Variants in ACYP2 observed in about 807,000 individuals in gnomAD.
ACYP2 encodes acylphosphatase 2.
Under a neutral mutation model 11.2 loss-of-function variants are expected in ACYP2, and 12 were observed. That is an observed-to-expected ratio of 1.08 (90% CI 0.69 to 1.74). The LOEUF is 1.74. ACYP2 is among the 40% of genes most tolerant of loss of function. The pLI, the probability that ACYP2 is intolerant of heterozygous loss-of-function variation, is 0.00. For synonymous variants in ACYP2, 43 were observed against 32.2 expected (o/e 1.33, Z -1.13); for missense variants, 134 against 101.9 (o/e 1.31, Z -1.35).
At chr2:54,216,272 A>T (rs1397343694) in intron 6 of ACYP2, among the ~76,000 whole-genome samples, 1 of 152,142 alleles carries the variant, frequency 6.6e-6, no homozygotes, top group Admixed American at 6.5e-5. Context: ...TCGAGGGTTT[A>T]TAATATGCTT....
chr2:53,971,585 GAT>G (rs1671121445), intron 1 of ACYP2, among the ~76,000 whole-genome samples: 1 of 152,178 alleles, frequency 6.6e-6, no homozygotes, highest in Non-Finnish European at 1.5e-5. Context: ...AGGCTATTGA[GAT>G]AGAAAGTTTA....
chr2:54,224,855 T>G (rs1381929954), intron 6 of ACYP2, among the ~76,000 whole-genome samples: 1 of 152,188 alleles, frequency 6.6e-6, no homozygotes, highest in African/African-American at 2.4e-5. Flanking sequence ...GAAAGAAATA[T>G]ACATGAAAGT....
chr2:53,977,526 A>G (rs1573428367), intron 2 of ACYP2, among the ~76,000 whole-genome samples: 1 of 151,406 alleles, frequency 6.6e-6, no homozygotes, highest in Non-Finnish European at 1.5e-5. Flanking sequence ...CGAGGTCAAG[A>G]GTTTGAGACC....
chr2:54,209,290 T>C lies in ACYP2; in HGVS notation c.404+70542T>C, dbSNP rs182317951. ...CTTGGTTGTTGTACTTATTATTTTA[T>C]AGTTAATAATTGTAATGGAAGGGGG... On this transcript the variant is annotated intron_variant, in intron 6 of 6. Transcript: ENST00000607452. 3.0e-3 allele frequency among the ~76,000 whole-genome samples: 463 copies of C among 152,350 alleles called. 1 individual carries two copies. Among genetic ancestry groups the C allele is most frequent in the Middle Eastern group, 0.01 (3 of 294 alleles).
At chr2:54,219,807 GTGTT>G (rs1205637728) in intron 6 of ACYP2, among the ~76,000 whole-genome samples, 2 of 138,956 alleles carry the variant, frequency 1.4e-5, no homozygotes, top group Non-Finnish European at 3.0e-5. Context: ...GTGTGTGTGT[GTGTT>G]TGTGTATGTG....
intron 6 of ACYP2, chr2:54,267,405 T>A: frequency 6.6e-7 from 1 of 1,506,436 alleles, no homozygotes; most frequent in Non-Finnish European, 8.9e-7. Flanking sequence ...GGCTTATACA[T>A]CCTAAAGTAA....
chr2:54,166,720 A>G (rs538715846), intron 6 of ACYP2, among the ~76,000 whole-genome samples: 6 of 152,290 alleles, frequency 3.9e-5, no homozygotes, highest in South Asian at 4.1e-4. Context: ...AAGATTTCTC[A>G]TAATGATGGA....
At chr2:54,164,047 G>A (rs1279361695) in intron 6 of ACYP2, among the ~76,000 whole-genome samples, 2 of 152,168 alleles carry the variant, frequency 1.3e-5, no homozygotes, top group African/African-American at 4.8e-5. Context: ...TCTGTCAAAT[G>A]GTAAAGAAGC....
intron 6 of ACYP2, among the ~76,000 whole-genome samples, chr2:54,294,294 GAA>G (rs1169967145): frequency 1.3e-5 from 2 of 152,118 alleles, no homozygotes; most frequent in Non-Finnish European, 1.5e-5. Context: ...TTGAATTATT[GAA>G]AAGACAGTCC....
intron 2 of ACYP2, among the ~76,000 whole-genome samples, chr2:54,046,324 C>A (rs1436285345): frequency 6.6e-6 from 1 of 151,354 alleles, no homozygotes; most frequent in Non-Finnish European, 1.5e-5. Context: ...ACTGAAAATA[C>A]AAAAATTAGC....
At chr2:54,006,799 A>G (rs1673087595) in intron 2 of ACYP2, among the ~76,000 whole-genome samples, 1 of 152,048 alleles carries the variant, frequency 6.6e-6, no homozygotes, top group Non-Finnish European at 1.5e-5. Flanking sequence ...GACTTCTGGC[A>G]CATGACTCCT....
chr2:53,988,978 A>T (rs1326506869), intron 2 of ACYP2, among the ~76,000 whole-genome samples: 2 of 151,424 alleles, frequency 1.3e-5, no homozygotes, highest in Non-Finnish European at 2.9e-5. Flanking sequence ...TCAACTCCTG[A>T]CCTCAGGTGA....
rs548893047 is a variant in ACYP2, at chr2:54,031,086, T to A, written c.63-19872T>A. 2.0e-5 allele frequency among the ~76,000 whole-genome samples: 3 copies of A among 152,270 alleles called. No individual in the cohort carries two copies. The East Asian group carries it at 5.8e-4, about 29-fold the overall frequency. ...AGGAAGTTCAGCAGGTTATGTCTCA[T>A]TGGTGTCAGGGAAGGCTTCTTGGAG... is the stretch of plus-strand genomic sequence containing the variant. On this transcript the variant is annotated intron_variant, in intron 2 of 6. Coordinates refer to ENST00000607452, the MANE Select transcript of ACYP2 (RefSeq NM_001320586.2).
intron 6 of ACYP2, among the ~76,000 whole-genome samples, chr2:54,287,918 G>C (rs897331315): frequency 2.6e-5 from 4 of 151,952 alleles, no homozygotes; most frequent in African/African-American, 9.7e-5. Flanking sequence ...ACAGTATTGG[G>C]AACATTCCCT....
At chr2:54,125,559 G>A (rs1280320848) in intron 4 of ACYP2, among the ~76,000 whole-genome samples, 1 of 151,482 alleles carries the variant, frequency 6.6e-6, no homozygotes, top group Admixed American at 6.6e-5. Context: ...AGACCAGCCT[G>A]GCCAACATGG....
chr2:54,276,662 C>CACACACACACACACA (rs5831294), intron 6 of ACYP2, among the ~76,000 whole-genome samples: 1 of 132,162 alleles, frequency 7.6e-6, no homozygotes, highest in African/African-American at 3.2e-5. Flanking sequence ...CACACACACA[C>CACACACACACACACA]CACACACAAG....
intron 4 of ACYP2, among the ~76,000 whole-genome samples, chr2:54,099,364 C>A (rs1678764249): frequency 6.6e-6 from 1 of 152,156 alleles, no homozygotes; most frequent in East Asian, 1.9e-4. Flanking sequence ...CCATGCTATA[C>A]CGTAGATCTT....
intron 6 of ACYP2, among the ~76,000 whole-genome samples, chr2:54,239,766 G>A (rs377696930): frequency 1.4e-4 from 22 of 152,122 alleles, no homozygotes; most frequent in African/African-American, 4.6e-4. Flanking sequence ...AGGTGGTAAG[G>A]GGGACAAACT....
intron 6 of ACYP2, among the ~76,000 whole-genome samples, chr2:54,264,129 G>A (rs1687910552): frequency 6.6e-6 from 1 of 152,190 alleles, no homozygotes. Context: ...TGTTCCTTCA[G>A]ATGTTCAGAA....
Sources: gnomAD v4.1 joint callset for allele counts (sites outside exome capture counted in the v4.1 genomes callset) on GRCh38, gnomAD v4.1.1 for gene constraint, MANE v1.5 for transcripts, NCBI Gene and HGNC (gene_info 2026-07-23, HGNC 2026-07-21) for gene names.